The following CRLS1 variants were observed in gnomAD, a reference collection of about 807,000 sequenced individuals.
The protein encoded by CRLS1 is cardiolipin synthase (CMP-forming).
In CRLS1, 24 loss-of-function variants were observed where a neutral mutation model predicts 37.0. That is an observed-to-expected ratio of 0.65 (90% CI 0.47 to 0.91). The LOEUF is 0.91. Among genes scored for constraint, CRLS1 ranks in the 40% least tolerant of loss-of-function variants. The pLI is 0.00. For missense variants in CRLS1, 373 were observed against 395.8 expected (o/e 0.94, Z 0.49); for synonymous variants, 135 against 159.7 (o/e 0.85, Z 1.17).
At position 6,034,495 on chromosome 20, in the gene CRLS1, C is replaced by T; in HGVS notation, c.761C>T (p.Ala254Val). The change falls in exon 6 of 7, where the codon GCA becomes GTA. Residue 254 changes from alanine (A) to valine (V), a missense_variant. Physicochemically the swap from Ala to Val is moderately conservative, Grantham distance 64. Coordinates refer to ENST00000378863, the MANE Select transcript of CRLS1 (RefSeq NM_019095.6). ...VNTAVQLILV[A>V]ASLAAPVFNY... ...ACAGCAGTCCAGTTAATCTTGGTGG[C>T]AGCTTCTTTGGCAGCTCCAGTTTTC... The T allele has an allele frequency of 1.2e-6, 2 of 1,613,060 alleles. No individual in the cohort carries two copies. Among genetic ancestry groups the T allele is most frequent in the Non-Finnish European group, 1.7e-6 (2 of 1,179,854 alleles).
At chr20:6,036,467 T>G (rs1980557202) in intron 6 of CRLS1, among the ~76,000 whole-genome samples, 1 of 152,158 alleles carries the variant, frequency 6.6e-6, no homozygotes, top group Non-Finnish European at 1.5e-5. Flanking sequence ...GAGAATCCGG[T>G]TAAGGGTAGT....
Position 6,017,701 on chromosome 20 carries a change from CTGTT to C in CRLS1, c.574+2214_574+2217del, listed in dbSNP as rs1291709013. On this transcript the variant is annotated intron_variant, in intron 3 of 6. Transcript: ENST00000378863. ...AATCAGCAATTTTCCAGAGAAAAAT[CTGTT>C]TGGATTTTGATTGGGATTGCAATGA... 1.2e-4 allele frequency among the ~76,000 whole-genome samples: 18 copies of C among 152,244 alleles called. No individual in the cohort carries two copies. The East Asian group carries it at 3.3e-3, about 28-fold the overall frequency.
chr20:6,017,701 C>A (rs143442839), intron 3 of CRLS1, among the ~76,000 whole-genome samples: 6 of 152,244 alleles, frequency 3.9e-5, no homozygotes, highest in African/African-American at 1.4e-4. Flanking sequence ...AGAGAAAAAT[C>A]TGTTTGGATT....
intron 6 of CRLS1, among the ~76,000 whole-genome samples, chr20:6,035,502 T>A (rs1980476585): frequency 6.6e-6 from 1 of 151,830 alleles, no homozygotes; most frequent in Non-Finnish European, 1.5e-5. Context: ...ATTTTGACAG[T>A]ATTTTTTTCC....
At chr20:6,026,892 CAT>C (rs577523103) in intron 3 of CRLS1, among the ~76,000 whole-genome samples, 24 of 152,100 alleles carry the variant, frequency 1.6e-4, no homozygotes, top group African/African-American at 2.7e-4. Flanking sequence ...CAGAGAGTAA[CAT>C]GTGGAGTTGG....
At chr20:6,007,520 G>C in intron 1 of CRLS1, 2 of 1,145,692 alleles carry the variant, frequency 1.7e-6, no homozygotes, top group Non-Finnish European at 2.6e-6. Context: ...TATTCTATGT[G>C]GAGCTAAAAA....
intron 3 of CRLS1, among the ~76,000 whole-genome samples, chr20:6,016,312 C>T (rs1440202889): frequency 6.6e-6 from 1 of 152,132 alleles, no homozygotes; most frequent in East Asian, 1.9e-4. Flanking sequence ...GTCTAGTCTC[C>T]CCCAACTGGA....
chr20:6,012,790 G>A (rs1978431857), intron 2 of CRLS1, among the ~76,000 whole-genome samples: 1 of 152,144 alleles, frequency 6.6e-6, no homozygotes, highest in Non-Finnish European at 1.5e-5. Context: ...AGGAATGAAG[G>A]GTCAGAGAAA....
intron 2 of CRLS1, among the ~76,000 whole-genome samples, chr20:6,014,386 A>G (rs1183029512): frequency 6.6e-6 from 1 of 152,246 alleles, no homozygotes; most frequent in Non-Finnish European, 1.5e-5. Context: ...TACTTGAGAT[A>G]TGGACAACTT....
chr20:6,031,472 G>T, intron 4 of CRLS1, 102 bp downstream of exon 4: 2 of 784,190 alleles, frequency 2.6e-6, no homozygotes, highest in Non-Finnish European at 4.1e-6. Context: ...TTGATGGCAC[G>T]TGAAACCCAG....
At chr20:6,013,152 T>C (rs1375886574) in intron 2 of CRLS1, among the ~76,000 whole-genome samples, 1 of 151,902 alleles carries the variant, frequency 6.6e-6, no homozygotes, top group Admixed American at 6.6e-5. Context: ...TATAGATAGA[T>C]AGATATAAAA....
At chr20:6,025,049 C>A (rs1979567904) in intron 3 of CRLS1, among the ~76,000 whole-genome samples, 1 of 152,174 alleles carries the variant, frequency 6.6e-6, no homozygotes, top group African/African-American at 2.4e-5. Context: ...GGGGAAGCTG[C>A]AGCAAGTTAT....
chr20:6,026,507 A>G (rs575369211), intron 3 of CRLS1, among the ~76,000 whole-genome samples: 1 of 152,278 alleles, frequency 6.6e-6, no homozygotes, highest in South Asian at 2.1e-4. Context: ...TCTCTGAGGC[A>G]TGCTTGTATT....
intron 5 of CRLS1, among the ~76,000 whole-genome samples, chr20:6,032,333 T>C (rs867279795): frequency 7.2e-5 from 11 of 152,130 alleles, no homozygotes; most frequent in Middle Eastern, 3.4e-3. Flanking sequence ...GGCCACTGTT[T>C]AGGGAAAGGG....
chr20:6,007,263 ATG>A, intron 1 of CRLS1: 1 of 1,544,336 alleles, frequency 6.5e-7, no homozygotes, highest in Non-Finnish European at 8.7e-7. Flanking sequence ...GTTGTACAGC[ATG>A]GGTTGAGGTG....
chr20:6,020,666 A>C (rs1229790983), intron 3 of CRLS1, among the ~76,000 whole-genome samples: 3 of 150,468 alleles, frequency 2.0e-5, no homozygotes, highest in African/African-American at 4.9e-5. Context: ...TCTGTCGCCC[A>C]GGCTGGAGTG....
chr20:6,023,293 T>A (rs1194246701), intron 3 of CRLS1: 2 of 152,222 alleles, frequency 1.3e-5, no homozygotes, highest in African/African-American at 4.8e-5. Context: ...TCTGTTTAGA[T>A]ACATTCTTTG....
At chr20:6,021,607 T>C (rs1979293778) in intron 3 of CRLS1, among the ~76,000 whole-genome samples, 1 of 149,628 alleles carries the variant, frequency 6.7e-6, no homozygotes, top group East Asian at 1.9e-4. Flanking sequence ...GTAAATAACA[T>C]ATTTATGTAA....
chr20:6,006,836 T>G (rs1383817766), intron 1 of CRLS1: 1 of 984,272 alleles, frequency 1.0e-6, no homozygotes, highest in Admixed American at 6.1e-5. Flanking sequence ...TTGATAAAGG[T>G]AGCCTTCGCT....
Sources: allele counts gnomAD v4.1 joint callset (sites outside exome capture counted in the v4.1 genomes callset), GRCh38; gene constraint gnomAD v4.1.1; transcripts MANE v1.5; gene names NCBI Gene and HGNC (gene_info 2026-07-23, HGNC 2026-07-21).